DACH2: variants seen among roughly 807,000 people sequenced by gnomAD.
The protein encoded by DACH2 is dachshund homolog 2.
DACH2 carries 17 observed loss-of-function variants against 35.8 expected under a neutral mutation model. The observed-to-expected ratio is 0.48, with a 90% CI of 0.33 to 0.71. The LOEUF is 0.71. Ranked by LOEUF, DACH2 falls within the 30% of genes least tolerant of loss-of-function variation. DACH2 has a pLI of 0.02. For missense variants in DACH2, 469 were observed against 472.7 expected, an observed-to-expected ratio of 0.99 and a Z score of 0.07; for synonymous variants, 195 against 177.3, an observed-to-expected ratio of 1.10 and a Z score of -0.79.
At chrX:86,457,452 A>G (rs944804320) in intron 2 of DACH2, among the ~76,000 whole-genome samples, 1 of 112,193 alleles carries the variant, frequency 8.9e-6, no homozygotes, top group Non-Finnish European at 1.9e-5. Context: ...AACTTAAATT[A>G]TACTATTGTG....
chrX:86,400,982 G>T (rs1602479907), intron 2 of DACH2, among the ~76,000 whole-genome samples: 1 of 112,526 alleles, frequency 8.9e-6, no homozygotes, highest in Non-Finnish European at 1.9e-5. Context: ...CAGAGGTGGA[G>T]CCTACAGAGG....
At chrX:86,496,108 TATAG>T (rs1486460370) in intron 2 of DACH2, among the ~76,000 whole-genome samples, 1 of 111,548 alleles carries the variant, frequency 9.0e-6, no homozygotes, top group Non-Finnish European at 1.9e-5. Context: ...TATTTTAATA[TATAG>T]ATAAATTTCT....
chrX:86,479,875 C>A (rs757167323), intron 2 of DACH2, among the ~76,000 whole-genome samples: 1 of 112,424 alleles, frequency 8.9e-6, no homozygotes, highest in East Asian at 2.8e-4. Context: ...TGAATTCCTT[C>A]TCTGCGTTAT....
chrX:86,665,228 A>C (rs778598604), intron 4 of DACH2, among the ~76,000 whole-genome samples: 7 of 112,152 alleles, frequency 6.2e-5, no homozygotes, highest in African/African-American at 1.3e-4. Context: ...AGCATTTAAA[A>C]TAATTTTATT....
At chrX:86,254,799 T>TAGAGAG (rs1369638285) in intron 1 of DACH2, among the ~76,000 whole-genome samples, 1 of 68,216 alleles carries the variant, frequency 1.5e-5, no homozygotes, top group African/African-American at 7.5e-5. Context: ...TATATATATA[T>TAGAGAG]ATATATATAG....
chrX:86,305,715 C>G (rs1313373979), intron 1 of DACH2, among the ~76,000 whole-genome samples: 1 of 109,600 alleles, frequency 9.1e-6, no homozygotes, highest in Non-Finnish European at 1.9e-5. Context: ...ATAACAAAAT[C>G]GAACAACTCG....
intron 7 of DACH2, among the ~76,000 whole-genome samples, chrX:86,756,346 T>G (rs918801418): frequency 1.6e-4 from 18 of 111,703 alleles, no homozygotes; most frequent in African/African-American, 5.5e-4. Context: ...ATTTTAATAT[T>G]AATTCTTCTG....
chrX:86,700,033 G>A (rs987127838), intron 5 of DACH2, among the ~76,000 whole-genome samples: 1 of 111,658 alleles, frequency 9.0e-6, no homozygotes, highest in African/African-American at 3.2e-5. Context: ...ATTGATTTCT[G>A]TTTTTACTAT....
At chrX:86,690,646 A>G (rs1602792379) in intron 4 of DACH2, among the ~76,000 whole-genome samples, 2 of 111,909 alleles carry the variant, frequency 1.8e-5, no homozygotes, top group Middle Eastern at 9.4e-3. Context: ...CAAACTAAAG[A>G]GTTTCTGACT....
At chrX:86,724,968 C>T (rs1371672773) in intron 6 of DACH2, among the ~76,000 whole-genome samples, 2 of 107,847 alleles carry the variant, frequency 1.9e-5, no homozygotes, top group African/African-American at 6.8e-5. Context: ...TTGTCTATCA[C>T]TGAAATATTC....
chrX:86,465,536 A>G (rs1173625928), intron 2 of DACH2, among the ~76,000 whole-genome samples: 1 of 111,910 alleles, frequency 8.9e-6, no homozygotes, highest in African/African-American at 3.2e-5. Flanking sequence ...GAAAAGATGT[A>G]CATATAATGT....
intron 1 of DACH2, among the ~76,000 whole-genome samples, chrX:86,322,002 G>A (rs747478556): frequency 3.3e-4 from 36 of 110,335 alleles, no homozygotes; most frequent in African/African-American, 1.2e-3. Flanking sequence ...TGGTGCAGTT[G>A]GAAGGGGCAC....
At chrX:86,421,901 T>C (rs2036809424) in intron 2 of DACH2, among the ~76,000 whole-genome samples, 2 of 111,410 alleles carry the variant, frequency 1.8e-5, no homozygotes, top group South Asian at 7.5e-4. Flanking sequence ...AATAGTTAAA[T>C]TCTTACCATT....
intron 2 of DACH2, among the ~76,000 whole-genome samples, chrX:86,438,076 C>CTT (rs1323187623): frequency 9.1e-6 from 1 of 109,421 alleles, no homozygotes; most frequent in Non-Finnish European, 1.9e-5. Flanking sequence ...TTGTTCCCCT[C>CTT]TTTGTGTCCA....
chrX:86,319,523 T>C (rs1235322684), intron 1 of DACH2, among the ~76,000 whole-genome samples: 1 of 111,823 alleles, frequency 8.9e-6, no homozygotes, highest in Admixed American at 9.6e-5. Context: ...AGGGTCATGG[T>C]TACTTCCATA....
chrX:86,381,241 G>A (rs185416258), intron 2 of DACH2, among the ~76,000 whole-genome samples: 39 of 110,458 alleles, frequency 3.5e-4, no homozygotes, highest in African/African-American at 1.1e-3. Context: ...TATTGCCAGC[G>A]TAGTAGATAT....
intron 1 of DACH2, among the ~76,000 whole-genome samples, chrX:86,282,428 G>C (rs759326347): frequency 2.7e-5 from 3 of 111,854 alleles, no homozygotes; most frequent in Non-Finnish European, 5.6e-5. Flanking sequence ...AATAAATGGT[G>C]TTGGGAAAAC....
At chrX:86,699,882 A>G (rs530150894) in intron 5 of DACH2, among the ~76,000 whole-genome samples, 2 of 111,433 alleles carry the variant, frequency 1.8e-5, no homozygotes, top group South Asian at 7.5e-4. Context: ...CTGTGTCCCA[A>G]AGATTTTCAT....
At chrX:86,797,562 G>T (rs1206466736) in intron 7 of DACH2, among the ~76,000 whole-genome samples, 1 of 111,286 alleles carries the variant, frequency 9.0e-6, no homozygotes, top group Non-Finnish European at 1.9e-5. Flanking sequence ...GTAAATATTT[G>T]TAACAATAGT....
Sources: allele counts gnomAD v4.1 joint callset (sites outside exome capture counted in the v4.1 genomes callset), GRCh38; gene constraint gnomAD v4.1.1; transcripts MANE v1.5; gene names NCBI Gene and HGNC (gene_info 2026-07-23, HGNC 2026-07-21).